Variants in VKORC1L1 observed in about 807,000 individuals in gnomAD.
VKORC1L1 encodes the protein vitamin K epoxide reductase complex subunit 1L1.
VKORC1L1 carries 2 observed loss-of-function variants against 18.9 expected under a neutral mutation model. The ratio of observed to expected loss-of-function variants is 0.11; its 90% CI spans 0.04 to 0.33. VKORC1L1 has a LOEUF of 0.33. Among genes scored for constraint, VKORC1L1 ranks in the 10% least tolerant of loss-of-function variants. The pLI, the probability that VKORC1L1 is intolerant of heterozygous loss-of-function variation, is 1.00. For missense variants in VKORC1L1, 123 were observed against 224.1 expected, an observed-to-expected ratio of 0.55 and a Z score of 2.88; for synonymous variants, 96 against 100.0, an observed-to-expected ratio of 0.96 and a Z score of 0.24.
intron 1 of VKORC1L1, among the ~76,000 whole-genome samples, chr7:65,879,174 C>T (rs761977495): frequency 4.6e-5 from 7 of 152,184 alleles, no homozygotes; most frequent in Middle Eastern, 3.4e-3. Context: ...GGCATTCGTT[C>T]CATTGCTCCC....
intron 1 of VKORC1L1, among the ~76,000 whole-genome samples, chr7:65,930,955 A>G (rs913425656): frequency 6.6e-6 from 1 of 152,206 alleles, no homozygotes; most frequent in Admixed American, 6.5e-5. Context: ...TATTTTGTCA[A>G]ATATATTATC....
At chr7:65,944,519 C>G (rs1790086159) in intron 1 of VKORC1L1, among the ~76,000 whole-genome samples, 1 of 151,946 alleles carries the variant, frequency 6.6e-6, no homozygotes. Context: ...TTATAGTACC[C>G]TTTCTCTTTA....
At chr7:65,913,746 A>AGG (rs1424708077) in intron 1 of VKORC1L1, among the ~76,000 whole-genome samples, 2 of 48,448 alleles carry the variant, frequency 4.1e-5, no homozygotes, top group African/African-American at 1.5e-4. Context: ...AAAAAAAGGG[A>AGG]GGGGGGTGGG....
intron 1 of VKORC1L1, among the ~76,000 whole-genome samples, chr7:65,946,582 TAG>T (rs976055246): frequency 7.9e-5 from 12 of 152,206 alleles, no homozygotes; most frequent in African/African-American, 2.9e-4. Flanking sequence ...AGCACTGATC[TAG>T]AGTTTCCCCT....
chr7:65,940,035 A>G (rs920708466), intron 1 of VKORC1L1, among the ~76,000 whole-genome samples: 1 of 149,344 alleles, frequency 6.7e-6, no homozygotes, highest in African/African-American at 2.5e-5. Flanking sequence ...TTTAGTTTTT[A>G]TGTTTTTGTG....
chr7:65,897,409 G>A (rs1789233172), intron 1 of VKORC1L1, among the ~76,000 whole-genome samples: 1 of 152,116 alleles, frequency 6.6e-6, no homozygotes, highest in Non-Finnish European at 1.5e-5. Context: ...ATGGAGAGCA[G>A]TTGAATAATA....
Position 65,918,815 on chromosome 7 carries a change from C to T in VKORC1L1, c.195-29856C>T, listed in dbSNP as rs78450219. ...ATTCTTTAAAAACCAACAAAACAGG[C>T]GGGACGCGGTGGCTCCCATCTGTAA... On this transcript the variant is annotated intron_variant, in intron 1 of 2. Transcript: ENST00000360768. Among the ~76,000 whole-genome samples, 213 of 152,274 alleles carry T rather than the reference C, an allele frequency of 1.4e-3. 4 individuals carry two copies. The East Asian group carries it at 0.036, about 26-fold the overall frequency.
At chr7:65,925,327 T>A (rs1789743644) in intron 1 of VKORC1L1, among the ~76,000 whole-genome samples, 2 of 152,222 alleles carry the variant, frequency 1.3e-5, no homozygotes, top group East Asian at 3.8e-4. Flanking sequence ...TGTCAGATCC[T>A]GTCAGTCTTA....
intron 1 of VKORC1L1, among the ~76,000 whole-genome samples, chr7:65,928,129 A>C (rs1333972052): frequency 1.3e-5 from 2 of 152,136 alleles, no homozygotes; most frequent in Non-Finnish European, 2.9e-5. Flanking sequence ...AGAAAATTTT[A>C]AGCTTCTATA....
At chr7:65,929,080 T>C (rs1789813658) in intron 1 of VKORC1L1, among the ~76,000 whole-genome samples, 1 of 152,170 alleles carries the variant, frequency 6.6e-6, no homozygotes, top group Non-Finnish European at 1.5e-5. Flanking sequence ...CAAATTAGAT[T>C]GTTTGTTTCC....
At chr7:65,904,350 G>T (rs1255921947) in intron 1 of VKORC1L1, among the ~76,000 whole-genome samples, 1 of 152,052 alleles carries the variant, frequency 6.6e-6, no homozygotes, top group African/African-American at 2.4e-5. Context: ...GATTTCAGGG[G>T]TGTGCCTCCA....
intron 2 of VKORC1L1, among the ~76,000 whole-genome samples, chr7:65,952,778 C>CTTTTTTTTTTT (rs11395208): frequency 8.1e-5 from 7 of 86,614 alleles, no homozygotes; most frequent in African/African-American, 1.4e-4. Context: ...TTTTTTTTTC[C>CTTTTTTTTTTT]TTTTTTTTTT....
At chr7:65,917,242 A>G (rs1022512152) in intron 1 of VKORC1L1, among the ~76,000 whole-genome samples, 3 of 151,668 alleles carry the variant, frequency 2.0e-5, no homozygotes, top group Non-Finnish European at 4.4e-5. Flanking sequence ...AATGTTTCTC[A>G]TCTCCACCCC....
the VKORC1L1 span, among the ~76,000 whole-genome samples, chr7:65,866,722 TGA>T: frequency 6.6e-6 from 1 of 151,928 alleles, no homozygotes; most frequent in African/African-American, 2.4e-5. Flanking sequence ...CTGGCCTGAG[TGA>T]CATAGTGAGA....
At chr7:65,881,337 T>G (rs985590207) in intron 1 of VKORC1L1, among the ~76,000 whole-genome samples, 2 of 152,206 alleles carry the variant, frequency 1.3e-5, no homozygotes, top group Middle Eastern at 3.2e-3. Flanking sequence ...GACAACTGAT[T>G]TGTCTGCCAG....
chr7:65,943,532 T>C (rs891983658), intron 1 of VKORC1L1, among the ~76,000 whole-genome samples: 8 of 152,298 alleles, frequency 5.3e-5, no homozygotes, highest in African/African-American at 1.9e-4. Context: ...CTCATAATTG[T>C]TTCTCCCACC....
At chr7:65,901,736 A>G (rs1314929280) in intron 1 of VKORC1L1, among the ~76,000 whole-genome samples, 1 of 152,148 alleles carries the variant, frequency 6.6e-6, no homozygotes, top group Non-Finnish European at 1.5e-5. Context: ...TTGTACACAG[A>G]ACTCCAGTGA....
Position 65,954,499 on chromosome 7 carries a change from AC to A in VKORC1L1, c.*200del, listed in dbSNP as rs545763978. Reference sequence around the variant, plus strand: ...GTCAGTCTTCATTTTAAATATGGATACAAAAAGGATACGCCGAGCCAATCAA... The same window carrying A: ...GTCAGTCTTCATTTTAAATATGGATAAAAAAGGATACGCCGAGCCAATCAA... On this transcript the variant is annotated 3_prime_UTR_variant, in exon 3 of 3. Transcript: ENST00000360768. 1.5e-4 allele frequency: 141 copies of A among 939,852 alleles called. 1 individual carries two copies. In the South Asian group the frequency reaches 2.0e-3, roughly 13 times the overall value. The allele number at this position is 939,852 out of a possible 1,614,324, so 58.2% of individuals were successfully genotyped here.
At chr7:65,870,901 T>A (rs565534215), upstream of VKORC1L1, among the ~76,000 whole-genome samples, 6 of 152,280 alleles carry the variant, frequency 3.9e-5, no homozygotes, top group East Asian at 1.2e-3. Flanking sequence ...CTGGGCTCAG[T>A]CAGTCCTCCC....
Sources: allele counts gnomAD v4.1 joint callset (sites outside exome capture counted in the v4.1 genomes callset), GRCh38; gene constraint gnomAD v4.1.1; transcripts MANE v1.5; gene names NCBI Gene and HGNC (gene_info 2026-07-23, HGNC 2026-07-21).